The following FTO variants were observed in gnomAD, a reference collection of about 807,000 sequenced individuals.
FTO encodes the protein FTO alpha-ketoglutarate dependent dioxygenase.
In FTO, 47 loss-of-function variants were observed where a neutral mutation model predicts 63.9. The observed-to-expected ratio is 0.74, with a 90% CI of 0.58 to 0.94. FTO has a LOEUF of 0.94. Among genes scored for constraint, FTO ranks in the 40% least tolerant of loss-of-function variants. The pLI, the probability that FTO is intolerant of heterozygous loss-of-function variation, is 0.00. For missense variants in FTO, 562 were observed against 618.1 expected (o/e 0.91, Z 0.96); for synonymous variants, 207 against 224.4 (o/e 0.92, Z 0.69).
At chr16:53,725,833 T>C (rs2076140133) in intron 1 of FTO, among the ~76,000 whole-genome samples, 1 of 152,160 alleles carries the variant, frequency 6.6e-6, no homozygotes, top group African/African-American at 2.4e-5. Flanking sequence ...TTCAAACCTC[T>C]AAAGGCTGTG....
chr16:54,033,306 T>C (rs1426255983), intron 8 of FTO, among the ~76,000 whole-genome samples: 3 of 152,144 alleles, frequency 2.0e-5, no homozygotes, highest in Non-Finnish European at 2.9e-5. Flanking sequence ...ACTAGCAGAA[T>C]TGGCCACTTA....
chr16:54,001,606 T>G (rs2084068399), intron 8 of FTO, among the ~76,000 whole-genome samples: 1 of 152,186 alleles, frequency 6.6e-6, no homozygotes, highest in African/African-American at 2.4e-5. Flanking sequence ...TGAGTATAAT[T>G]TTGATTTTTC....
intron 4 of FTO, among the ~76,000 whole-genome samples, chr16:53,857,355 C>T (rs534801382): frequency 6.6e-5 from 10 of 151,970 alleles, no homozygotes; most frequent in South Asian, 6.2e-4. Flanking sequence ...TCTTTTCCTG[C>T]GTGAATTCAC....
chr16:53,879,004 A>G (rs1008974265), intron 5 of FTO, among the ~76,000 whole-genome samples: 1 of 152,016 alleles, frequency 6.6e-6, no homozygotes, highest in African/African-American at 2.4e-5. Flanking sequence ...TTATAACTGC[A>G]TTTTTCCCCG....
chr16:54,034,916 A>G (rs1030268715), intron 8 of FTO, among the ~76,000 whole-genome samples: 1 of 152,220 alleles, frequency 6.6e-6, no homozygotes, highest in African/African-American at 2.4e-5. Flanking sequence ...TCACTAGCAA[A>G]ACATAATTGG....
chr16:53,747,932 C>T (rs561943549), intron 1 of FTO, among the ~76,000 whole-genome samples: 2 of 152,206 alleles, frequency 1.3e-5, no homozygotes, highest in East Asian at 1.9e-4. Context: ...GTCCTTTCCC[C>T]AAAGTATATA....
intron 3 of FTO, among the ~76,000 whole-genome samples, chr16:53,830,110 T>G (rs1311490617): frequency 1.3e-5 from 2 of 152,200 alleles, no homozygotes; most frequent in Admixed American, 1.3e-4. Flanking sequence ...CAGTCATCCC[T>G]CTTTGGTTTA....
chr16:53,938,204 T>A (rs994295737), intron 8 of FTO, among the ~76,000 whole-genome samples: 2 of 152,250 alleles, frequency 1.3e-5, no homozygotes, highest in Non-Finnish European at 2.9e-5. Context: ...AGAGTCTTAT[T>A]CCTACTACAA....
chr16:53,738,009 A>C (rs1480037570), intron 1 of FTO, among the ~76,000 whole-genome samples: 1 of 147,794 alleles, frequency 6.8e-6, no homozygotes, highest in African/African-American at 2.5e-5. Context: ...GTTAGAATGC[A>C]GTTGCACAAT....
intron 8 of FTO, among the ~76,000 whole-genome samples, chr16:53,976,964 T>C (rs1215399066): frequency 6.6e-6 from 1 of 152,162 alleles, no homozygotes; most frequent in Non-Finnish European, 1.5e-5. Flanking sequence ...GTTGCCTTTC[T>C]CTCTCCAATG....
intron 1 of FTO, among the ~76,000 whole-genome samples, chr16:53,781,172 G>GT (rs1489033848): frequency 6.6e-6 from 1 of 152,130 alleles, no homozygotes; most frequent in Non-Finnish European, 1.5e-5. Flanking sequence ...TTCCAATTGA[G>GT]TAATCAGGGT....
At chr16:53,720,399 C>T (rs1756591252) in intron 1 of FTO, among the ~76,000 whole-genome samples, 1 of 151,708 alleles carries the variant, frequency 6.6e-6, no homozygotes, top group Non-Finnish European at 1.5e-5. Flanking sequence ...GCATTCTTAT[C>T]TCATCCACCA....
intron 7 of FTO, among the ~76,000 whole-genome samples, chr16:53,906,591 T>C (rs901502309): frequency 6.6e-6 from 1 of 152,190 alleles, no homozygotes; most frequent in Non-Finnish European, 1.5e-5. Flanking sequence ...AGGATACATT[T>C]AGGTGGATCC....
At chr16:54,018,047 T>TATCATCATC (rs10635158) in intron 8 of FTO, among the ~76,000 whole-genome samples, 2 of 151,826 alleles carry the variant, frequency 1.3e-5, no homozygotes, top group Non-Finnish European at 2.9e-5. Context: ...TGTTGACTTT[T>TATCATCATC]ATCATCATCA....
intron 1 of FTO, among the ~76,000 whole-genome samples, chr16:53,805,536 C>T (rs1435755894): frequency 6.6e-6 from 1 of 150,978 alleles, no homozygotes; most frequent in Non-Finnish European, 1.5e-5. Context: ...CAACCTCTGC[C>T]TCCCAGGCTC....
intron 8 of FTO, among the ~76,000 whole-genome samples, chr16:54,078,653 A>G (rs2086060798): frequency 6.6e-6 from 1 of 152,114 alleles, no homozygotes. Flanking sequence ...ATCTTTCTGC[A>G]TCTGAACAGT....
At chr16:53,892,710 A>G (rs1291032694) in intron 7 of FTO, among the ~76,000 whole-genome samples, 3 of 152,164 alleles carry the variant, frequency 2.0e-5, no homozygotes, top group African/African-American at 7.2e-5. Flanking sequence ...CTCAGGGAAT[A>G]TGTGCATTAC....
At chr16:53,755,730 G>A (rs1000296525) in intron 1 of FTO, among the ~76,000 whole-genome samples, 3 of 152,180 alleles carry the variant, frequency 2.0e-5, no homozygotes, top group African/African-American at 7.2e-5. Context: ...GAGAGAAGGT[G>A]TACTATGGGA....
intron 4 of FTO, among the ~76,000 whole-genome samples, chr16:53,863,888 AC>A (rs983460855): frequency 6.6e-6 from 1 of 152,028 alleles, no homozygotes; most frequent in African/African-American, 2.4e-5. Context: ...ATCTAATTCC[AC>A]CTATACTATA....
Sources: gnomAD v4.1 joint callset for allele counts (sites outside exome capture counted in the v4.1 genomes callset) on GRCh38, gnomAD v4.1.1 for gene constraint, MANE v1.5 for transcripts, NCBI Gene and HGNC (gene_info 2026-07-23, HGNC 2026-07-21) for gene names.